Variants in OSBPL10 observed in about 807,000 individuals in gnomAD.
OSBPL10 encodes oxysterol-binding protein-related protein 10.
A neutral mutation model predicts 81.7 loss-of-function variants in OSBPL10; 49 were observed. The observed-to-expected ratio is 0.60, with a 90% CI of 0.48 to 0.76. The LOEUF (loss-of-function observed/expected upper bound fraction) is 0.76, where lower values mean the gene tolerates loss of function less well. Among genes scored for constraint, OSBPL10 ranks in the 30% least tolerant of loss-of-function variants. The pLI, the probability that OSBPL10 is intolerant of heterozygous loss-of-function variation, is 0.00. For missense variants in OSBPL10, 923 were observed against 987.8 expected (o/e 0.93, Z 0.88); for synonymous variants, 419 against 383.6 (o/e 1.09, Z -1.08).
chr3:31,891,210 C>T (rs765476842), intron 1 of OSBPL10, among the ~76,000 whole-genome samples: 3 of 152,098 alleles, frequency 2.0e-5, no homozygotes, highest in Non-Finnish European at 4.4e-5. Context: ...CTAATTATGC[C>T]CTAGGCCAGG....
At chr3:31,931,695 CAA>C (rs1697253874) in intron 1 of OSBPL10, among the ~76,000 whole-genome samples, 1 of 152,210 alleles carries the variant, frequency 6.6e-6, no homozygotes, top group Non-Finnish European at 1.5e-5. Context: ...TTTTTATTCT[CAA>C]AACTCTTAGA....
At chr3:31,857,814 GAA>G (rs1485894050) in intron 3 of OSBPL10, among the ~76,000 whole-genome samples, 1 of 86,044 alleles carries the variant, frequency 1.2e-5, no homozygotes, top group East Asian at 5.2e-4. Flanking sequence ...GAGAGAGAGA[GAA>G]AGGGAGAGGG....
chr3:31,999,590 A>G (rs1294995151), intron 2 of OSBPL10, among the ~76,000 whole-genome samples: 1 of 151,866 alleles, frequency 6.6e-6, no homozygotes, highest in African/African-American at 2.4e-5. Context: ...CGAACTTCCT[A>G]CCTCAGGTGA....
chr3:31,783,721 G>A (rs972507973), intron 4 of OSBPL10, among the ~76,000 whole-genome samples: 8 of 140,142 alleles, frequency 5.7e-5, no homozygotes, highest in African/African-American at 2.1e-4. Context: ...AACCTGAGAG[G>A]CGGAGGTTGC....
chr3:31,788,506 A>C (rs910421589), intron 4 of OSBPL10, among the ~76,000 whole-genome samples: 1 of 152,188 alleles, frequency 6.6e-6, no homozygotes, highest in Non-Finnish European at 1.5e-5. Context: ...TGGAAGAAAG[A>C]AGCCTGGAAG....
At chr3:31,857,268 G>C (rs369725747) in intron 3 of OSBPL10, among the ~76,000 whole-genome samples, 2 of 152,270 alleles carry the variant, frequency 1.3e-5, no homozygotes, top group African/African-American at 4.8e-5. Context: ...TCAAATAAAG[G>C]GGAGAGATGT....
chr3:31,851,218 G>GAAAAT (rs1700756426), intron 3 of OSBPL10, among the ~76,000 whole-genome samples: 1 of 152,202 alleles, frequency 6.6e-6, no homozygotes, highest in Non-Finnish European at 1.5e-5. Context: ...ACTGGGGGAA[G>GAAAAT]AAAATATTTA....
At chr3:31,811,948 T>A (rs958282530) in intron 4 of OSBPL10, among the ~76,000 whole-genome samples, 5 of 152,168 alleles carry the variant, frequency 3.3e-5, no homozygotes, top group African/African-American at 1.2e-4. Context: ...AGAAATAGAG[T>A]TATCACAGAA....
chr3:31,923,942 T>A (rs1163397315), intron 1 of OSBPL10, among the ~76,000 whole-genome samples: 1 of 151,772 alleles, frequency 6.6e-6, no homozygotes, highest in Admixed American at 6.6e-5. Flanking sequence ...GTCAAGGCCA[T>A]GTGTGGTGGT....
chr3:31,924,636 C>T (rs1697019399), intron 1 of OSBPL10, among the ~76,000 whole-genome samples: 1 of 152,118 alleles, frequency 6.6e-6, no homozygotes, highest in Non-Finnish European at 1.5e-5. Flanking sequence ...ACTTGAGTGA[C>T]TTGACTTGAA....
chr3:31,696,785 CCA>C, intron 7 of OSBPL10, among the ~76,000 whole-genome samples: 1 of 152,358 alleles, frequency 6.6e-6, no homozygotes, highest in East Asian at 1.9e-4. Flanking sequence ...GCTTTGACCA[CCA>C]TCTATACATT....
intron 2 of OSBPL10, among the ~76,000 whole-genome samples, chr3:31,991,865 A>T (rs981099638): frequency 5.3e-5 from 4 of 74,870 alleles, no homozygotes; most frequent in African/African-American, 1.4e-4. Flanking sequence ...AGACAGGCTA[A>T]AAAAAAAAAA....
At chr3:31,984,023 G>T (rs1026705887), upstream of OSBPL10, among the ~76,000 whole-genome samples, 15 of 151,156 alleles carry the variant, frequency 9.9e-5, no homozygotes, top group African/African-American at 2.7e-4. Context: ...AGCCTAAGGG[G>T]TTTTTTTTGT....
At chr3:31,896,350 A>G (rs1696056759) in intron 1 of OSBPL10, among the ~76,000 whole-genome samples, 1 of 152,228 alleles carries the variant, frequency 6.6e-6, no homozygotes, top group South Asian at 2.1e-4. Flanking sequence ...ATTCCACAGA[A>G]TCTAATCAAA....
At position 31,981,024 on chromosome 3, in the gene OSBPL10, C is replaced by CCCGCCGCCGAGCCCGG; in HGVS notation, c.140_155dup (p.Gly53ArgfsTer17). 1.4e-6 allele frequency: 2 copies of CCCGCCGCCGAGCCCGG among 1,472,724 alleles called. No homozygotes were observed. Among genetic ancestry groups the CCCGCCGCCGAGCCCGG allele is most frequent in the Non-Finnish European group, 1.8e-6 (2 of 1,116,248 alleles). The allele number at this position is 1,472,724 out of a possible 1,614,324, so 91.2% of individuals were successfully genotyped here. On this transcript the variant is annotated frameshift_variant, in exon 1 of 12. Coordinates refer to ENST00000396556, the MANE Select transcript of OSBPL10 (RefSeq NM_017784.5). LOFTEE classifies it high-confidence loss of function. The surrounding 1 kb of genome is among the most constrained non-coding windows in gnomAD (Gnocchi z 4.5). ...CAGAGCCCGGGCTGCTGCGGCTTCC[C>CCCGCCGCCGAGCCCGG]CCGCCGCCGAGCCCGGCCGCCGCCG...
At chr3:31,905,983 C>G (rs1157170393) in intron 1 of OSBPL10, among the ~76,000 whole-genome samples, 1 of 151,886 alleles carries the variant, frequency 6.6e-6, no homozygotes, top group Non-Finnish European at 1.5e-5. Flanking sequence ...CACATTCAAC[C>G]TTATTAATCT....
At chr3:31,826,493 C>T (rs1700102850) in intron 4 of OSBPL10, among the ~76,000 whole-genome samples, 1 of 152,178 alleles carries the variant, frequency 6.6e-6, no homozygotes, top group African/African-American at 2.4e-5. Flanking sequence ...ATTATTTTCA[C>T]CAATGCTGTA....
chr3:31,829,599 G>A (rs1282788770), intron 4 of OSBPL10, among the ~76,000 whole-genome samples: 1 of 152,168 alleles, frequency 6.6e-6, no homozygotes, highest in Non-Finnish European at 1.5e-5. Flanking sequence ...TCCCCTTGGA[G>A]TGTGTCTATG....
chr3:31,753,078 G>A (rs1431827716), intron 4 of OSBPL10, among the ~76,000 whole-genome samples: 1 of 152,058 alleles, frequency 6.6e-6, no homozygotes, highest in Non-Finnish European at 1.5e-5. Flanking sequence ...GAATTCCTGA[G>A]TCCCTGCTAA....
Sources: allele counts gnomAD v4.1 joint callset (sites outside exome capture counted in the v4.1 genomes callset), GRCh38; gene constraint gnomAD v4.1.1; non-coding constraint Gnocchi (gnomAD v3.1); transcripts MANE v1.5; gene names NCBI Gene and HGNC (gene_info 2026-07-23, HGNC 2026-07-21).